Variants in ZFHX3 observed in about 807,000 individuals in gnomAD.
ZFHX3 encodes the protein zinc finger homeobox protein 3.
ZFHX3 carries 42 observed loss-of-function variants against 279.1 expected under a neutral mutation model. The ratio of observed to expected loss-of-function variants is 0.15; its 90% confidence interval spans 0.12 to 0.19. ZFHX3 has a LOEUF of 0.19. Ranked by LOEUF, ZFHX3 falls within the 10% of genes least tolerant of loss-of-function variation. The probability of loss-of-function intolerance (pLI) is 1.00; values close to 1 mark genes in which losing one functional copy is unlikely to be tolerated. For missense variants in ZFHX3, 4,981 were observed against 4,754.0 expected, an observed-to-expected ratio of 1.05 and a Z score of -1.40; for synonymous variants, 2,293 against 1,957.8, an observed-to-expected ratio of 1.17 and a Z score of -4.52.
At chr16:73,597,172 G>C (rs1274214820) in intron 2 of ZFHX3, among the ~76,000 whole-genome samples, 1 of 152,138 alleles carries the variant, frequency 6.6e-6, no homozygotes, top group East Asian at 1.9e-4. Context: ...CGTTATCTCT[G>C]TGCATCTCAG....
intron 2 of ZFHX3, 71 bp from the exon 3 acceptor site, chr16:72,951,036 C>G: frequency 6.4e-7 from 1 of 1,551,300 alleles, no homozygotes; most frequent in African/African-American, 1.4e-5. Context: ...AGGCACCCCC[C>G]AGCCCTCCGC....
intron 3 of ZFHX3, among the ~76,000 whole-genome samples, chr16:73,408,688 G>T (rs2017410710): frequency 6.6e-6 from 1 of 152,168 alleles, no homozygotes; most frequent in Non-Finnish European, 1.5e-5. Flanking sequence ...CAGGACAGCG[G>T]TGGCCTGGAC....
chr16:73,553,941 C>T lies in ZFHX3; in HGVS notation c.-1546-97683G>A, dbSNP rs1311057342. Among the ~76,000 whole-genome samples the T allele has an allele frequency of 4.6e-5, 7 of 152,168 alleles. No homozygotes were observed. The East Asian group carries it at 1.2e-3, about 25-fold the overall frequency. ...TTTCAGAAAAAGTAGGGCAGATGAT[C>T]AGAAAAAGTGATAAATGGCGGCTGC... On this transcript the variant is annotated intron_variant, in intron 2 of 17. Coordinates refer to the ZFHX3 transcript ENST00000641206.
At chr16:72,944,847 A>G (rs1046391343) in intron 3 of ZFHX3, among the ~76,000 whole-genome samples, 3 of 152,046 alleles carry the variant, frequency 2.0e-5, no homozygotes, top group Admixed American at 2.0e-4. Context: ...CTCAGAAAAG[A>G]GAGAGAGAAA....
At chr16:73,388,097 A>G (rs1369234750) in intron 3 of ZFHX3, among the ~76,000 whole-genome samples, 1 of 152,158 alleles carries the variant, frequency 6.6e-6, no homozygotes, top group Non-Finnish European at 1.5e-5. Flanking sequence ...TCAGTGCCAC[A>G]CAGTGCACTT....
intron 5 of ZFHX3, among the ~76,000 whole-genome samples, chr16:73,147,691 CAAAAAAAAAA>C (rs56079754): frequency 2.3e-3 from 93 of 40,896 alleles, no homozygotes; most frequent in African/African-American, 7.5e-3. Flanking sequence ...GACTCCGTCT[CAAAAAAAAAA>C]AAAAAAAAAA....
chr16:73,296,407 C>T (rs1177656048), intron 4 of ZFHX3, among the ~76,000 whole-genome samples: 3 of 152,150 alleles, frequency 2.0e-5, no homozygotes, highest in Non-Finnish European at 2.9e-5. Context: ...GAATGTTAAA[C>T]AGCAGCATTT....
Position 73,075,208 on chromosome 16 carries a change from A to T in ZFHX3, c.-532-16196T>A, listed in dbSNP as rs570844193. ...TCATGCCTGTAATCACAGTGCTTAG[A>T]GAGGCTGAGGCAGAAGGATCACTTA... On this transcript the variant is annotated intron_variant, in intron 8 of 17. Transcript: ENST00000641206. 1.8e-4 allele frequency among the ~76,000 whole-genome samples: 28 copies of T among 152,190 alleles called. 1 individual carries two copies. The South Asian group carries it at 5.8e-3, about 32-fold the overall frequency.
At chr16:73,330,340 C>T (rs561832151) in intron 3 of ZFHX3, among the ~76,000 whole-genome samples, 1 of 152,230 alleles carries the variant, frequency 6.6e-6, no homozygotes, top group South Asian at 2.1e-4. Context: ...GGGATGGTAT[C>T]AGTCAGGTTC....
chr16:73,121,650 C>G (rs1299760971), intron 7 of ZFHX3, among the ~76,000 whole-genome samples: 1 of 147,544 alleles, frequency 6.8e-6, no homozygotes, highest in African/African-American at 2.5e-5. Flanking sequence ...GAGTCTTGCT[C>G]TGTTGCCCAG....
At chr16:73,099,058 T>G (rs1235110890) in intron 7 of ZFHX3, 1 of 152,204 alleles carries the variant, frequency 6.6e-6, no homozygotes, top group Non-Finnish European at 1.5e-5. Flanking sequence ...ATATACAGTC[T>G]AAAAGGGAAA....
chr16:72,792,731 T>C (rs1289105541), intron 9 of ZFHX3, among the ~76,000 whole-genome samples: 1 of 152,206 alleles, frequency 6.6e-6, no homozygotes, highest in Non-Finnish European at 1.5e-5. Flanking sequence ...ATTACAGGCA[T>C]GAACCACTGC....
Position 73,444,333 on chromosome 16 carries a change from T to G in ZFHX3, c.-1291+11670A>C, listed in dbSNP as rs146273869. ...AGAATATTCCGTATAAACACTTTAC[T>G]GTGCAAAACAGCTGATCAGAATCCC... is the stretch of plus-strand genomic sequence containing the variant. On this transcript the variant is annotated intron_variant, in intron 3 of 17. Transcript: ENST00000641206. Among the ~76,000 whole-genome samples the G allele has an allele frequency of 4.8e-3, 726 of 152,354 alleles. 9 individuals are homozygous for G. The highest frequency in any genetic ancestry group is 0.017 in the African/African-American group (706 of 41,592).
chr16:73,230,438 A>T (rs960444230), intron 5 of ZFHX3, among the ~76,000 whole-genome samples: 6 of 151,986 alleles, frequency 3.9e-5, no homozygotes, highest in African/African-American at 9.7e-5. Context: ...TCAATGATAT[A>T]AAAAAAATAC....
rs767810299 is a variant in ZFHX3, at chr16:72,795,383, C to T, written c.7299G>A (p.Ala2433=). The change falls in exon 9 of 10, where the codon GCG becomes GCA. Residue 2433 remains alanine, a synonymous_variant. Coordinates refer to ENST00000268489, the MANE Select transcript of ZFHX3 (RefSeq NM_006885.4). ...GGTTTGGCTGTGCACTGGGAGCTTC[C>T]GCCAGCTTTGGTTTCTCATCGCCTG... ...TEAGDEKPKL[A]EAPSAQPNQT... 2.9e-5 allele frequency: 46 copies of T among 1,613,960 alleles called. No individual in the cohort carries two copies. The highest frequency in any genetic ancestry group is 6.7e-5 in the East Asian group (3 of 44,882).
intron 3 of ZFHX3, among the ~76,000 whole-genome samples, chr16:73,447,479 G>T (rs534262068): frequency 6.6e-6 from 1 of 152,224 alleles, no homozygotes; most frequent in South Asian, 2.1e-4. Context: ...GCAAGCCAAG[G>T]GGTGTATAGG....
rs368819006 is a variant in ZFHX3, at chr16:73,741,193, G to T, written c.-1607-60953C>A. Reference sequence around the variant, plus strand: ...TTACAGGCGCCTGCCACGACGCCCAGCTAATTTTTGTAAAAAATGGGCCAC... The same window carrying T: ...TTACAGGCGCCTGCCACGACGCCCATCTAATTTTTGTAAAAAATGGGCCAC... On this transcript the variant is annotated intron_variant, in intron 1 of 17. Transcript: ENST00000641206. Among the ~76,000 whole-genome samples the T allele has an allele frequency of 4.6e-5, 7 of 152,010 alleles. No homozygotes were observed. The East Asian group carries it at 7.7e-4, about 17-fold the overall frequency.
intron 4 of ZFHX3, among the ~76,000 whole-genome samples, chr16:72,878,492 G>A (rs948335935): frequency 1.2e-4 from 18 of 152,196 alleles, no homozygotes; most frequent in Non-Finnish European, 2.9e-5. Flanking sequence ...AAGGGCTTTG[G>A]ACATTAGGAA....
At chr16:73,591,912 G>T (rs1327134506) in intron 2 of ZFHX3, among the ~76,000 whole-genome samples, 3 of 151,736 alleles carry the variant, frequency 2.0e-5, no homozygotes, top group Non-Finnish European at 4.4e-5. Context: ...TTTTAGGTAT[G>T]AACTGTTGGT....
Sources: gnomAD v4.1 joint callset for allele counts (sites outside exome capture counted in the v4.1 genomes callset) on GRCh38, gnomAD v4.1.1 for gene constraint, MANE v1.5 for transcripts, NCBI Gene and HGNC (gene_info 2026-07-23, HGNC 2026-07-21) for gene names.